GRAMD1C: variants seen among roughly 807,000 people sequenced by gnomAD.
The protein encoded by GRAMD1C is GRAM domain containing 1C, also known as protein Aster-C.
Under a neutral mutation model 97.8 loss-of-function variants are expected in GRAMD1C, and 89 were observed. The ratio of observed to expected loss-of-function variants is 0.91; its 90% confidence interval spans 0.77 to 1.09. The LOEUF (loss-of-function observed/expected upper bound fraction) is 1.09. Among genes scored for constraint, GRAMD1C ranks in the 50% least tolerant of loss-of-function variants. GRAMD1C has a pLI of 0.00. For missense variants in GRAMD1C, 740 were observed against 766.4 expected (o/e 0.97, Z 0.41); for synonymous variants, 256 against 267.0 (o/e 0.96, Z 0.40).
chr3:113,885,213 C>G (rs1449797920), intron 6 of GRAMD1C: 2 of 797,640 alleles, frequency 2.5e-6, no homozygotes, highest in Non-Finnish European at 4.1e-6. Flanking sequence ...CCCGTTCCCC[C>G]TCCCTTCGGC....
intron 5 of GRAMD1C, among the ~76,000 whole-genome samples, chr3:113,880,202 A>T (rs745693806): frequency 1.3e-5 from 2 of 152,156 alleles, no homozygotes; most frequent in Non-Finnish European, 2.9e-5. Flanking sequence ...TTTTAACAAA[A>T]TCATCAAACA....
At chr3:113,919,239 C>CT (rs1936946011) in intron 10 of GRAMD1C, 2 of 383,182 alleles carry the variant, frequency 5.2e-6, no homozygotes, top group Admixed American at 3.6e-5. Context: ...TTCTTGAAGG[C>CT]TTTTTTGGTC....
chr3:113,938,125 T>C lies in GRAMD1C; in HGVS notation c.1673T>C (p.Ile558Thr), dbSNP rs142040397. 1.2e-5 allele frequency: 19 copies of C among 1,520,154 alleles called. No individual in the cohort carries two copies. The highest frequency in any genetic ancestry group is 8.4e-5 in the African/African-American group (6 of 71,478). The allele number at this position is 1,520,154 out of a possible 1,614,324, so 94.2% of individuals were successfully genotyped here. A position where few individuals can be genotyped will look rare whatever the true frequency, so the allele number is the denominator to read the frequency against. Residue 558 changes from isoleucine to threonine, a missense_variant, in exon 15 of 18, where the codon ATT (isoleucine) becomes ACT (threonine). By Grantham distance (89) the Ile-to-Thr change is moderately conservative (BLOSUM62 -1). Transcript: ENST00000358160. ...ATGGAAAACTATAACGTCACTCTTA[T>C]TGTGGTAATGAGTATTTTGTAAGTA... ...KEMENYNVTL[I>T]VVMSIFVLLL...
At chr3:113,940,405 C>T in intron 17 of GRAMD1C, 60 bp downstream of exon 17, 1 of 950,428 alleles carries the variant, frequency 1.1e-6, no homozygotes, top group Non-Finnish European at 1.7e-6. Context: ...ATTAGTTGCT[C>T]TTCTGTGTAT....
chr3:113,844,605 CAG>C lies in GRAMD1C; in HGVS notation c.131_132del (p.Gln44ArgfsTer6), dbSNP rs766282265. On this transcript the variant is annotated frameshift_variant, in exon 2 of 18. Transcript: ENST00000358160. LOFTEE classifies it high-confidence loss of function. ...AGAGAATAATGTGGTAGTTAAAAAA[CAG>C]GGGCCAAATTTACATAATTGGAGTG... Reference protein sequence around the residue: ...VEENNVVVKKQGPNLHNWSGD... With the variant: ...VEENNVVVKKXGPNLHNWSGD... 2.2e-5 allele frequency: 36 copies of C among 1,605,354 alleles called. No individual in the cohort carries two copies. The highest frequency in any genetic ancestry group is 2.7e-5 in the Non-Finnish European group (32 of 1,175,170).
rs878965913 is a variant in GRAMD1C at position 113,900,978 on chromosome 3, G to A, written c.541-53G>A. 1.9e-5 allele frequency: 17 copies of A among 908,362 alleles called. No homozygotes were observed. The South Asian group carries it at 2.3e-4, about 12-fold the overall frequency. The allele number at this position is 908,362 out of a possible 1,614,324, so 56.3% of individuals were successfully genotyped here. ...CAAAACTCATGTTTTGAATCACTGT[G>A]ATATTATATTTTATATTTTCCAATG... is the stretch of plus-strand genomic sequence containing the variant. On this transcript the variant is annotated intron_variant, in intron 6 of 17. Transcript: ENST00000358160.
chr3:113,933,434 TA>T, intron 11 of GRAMD1C, 76 bp from the exon 12 acceptor site: 1 of 989,224 alleles, frequency 1.0e-6, no homozygotes, highest in Non-Finnish European at 1.6e-6. Context: ...GGAATACTAA[TA>T]TACATGTTCT....
intron 6 of GRAMD1C, chr3:113,885,896 C>G (rs1373620173): frequency 6.2e-7 from 1 of 1,612,698 alleles, no homozygotes; most frequent in Non-Finnish European, 8.5e-7. Flanking sequence ...ACAATGCCAT[C>G]CCCATCAAAT....
intron 1 of GRAMD1C, 99 bp downstream of exon 1, chr3:113,839,035 C>T: frequency 5.5e-6 from 4 of 727,566 alleles, no homozygotes; most frequent in Non-Finnish European, 5.7e-6. Flanking sequence ...CAGTTAATCC[C>T]TCCCTTCCCT....
chr3:113,849,799 G>T (rs1392377225), intron 2 of GRAMD1C, among the ~76,000 whole-genome samples: 7 of 152,118 alleles, frequency 4.6e-5, no homozygotes, highest in Non-Finnish European at 8.8e-5. Flanking sequence ...TTCTCAATGA[G>T]CTGTTGGGTA....
intron 9 of GRAMD1C, among the ~76,000 whole-genome samples, chr3:113,914,896 G>A (rs915878983): frequency 6.6e-6 from 1 of 152,118 alleles, no homozygotes; most frequent in East Asian, 1.9e-4. Context: ...ATTGCAGTGA[G>A]AATAAGATGA....
At chr3:113,930,870 TG>T (rs149518299) in intron 11 of GRAMD1C, 38 bp downstream of exon 11, 1 of 1,038,308 alleles carries the variant, frequency 9.6e-7, no homozygotes, top group East Asian at 2.4e-5. Flanking sequence ...GAGTCATGTG[TG>T]GGGGAAGAGA....
chr3:113,857,755 T>C (rs911901488), intron 2 of GRAMD1C, among the ~76,000 whole-genome samples: 3 of 152,204 alleles, frequency 2.0e-5, no homozygotes, highest in Admixed American at 1.3e-4. Context: ...TCAAGTGATA[T>C]GATTGTGTAA....
At position 113,844,572 on chromosome 3, in the gene GRAMD1C, A is replaced by G. The variant is rs369374562; in HGVS notation, c.97A>G (p.Thr33Ala). Residue 33 changes from threonine (T) to alanine (A), a missense_variant, in exon 2 of 18, where the codon ACT (threonine) becomes GCT (alanine). By Grantham distance (58) the Thr-to-Ala change is moderately conservative. Transcript: ENST00000358160. ...AGATGTAGAGGAAAATCCTAGTCCA[A>G]CTGTGGAAGAGAATAATGTGGTAGT... ...QEDVEENPSP[T>A]VEENNVVVKK... The G allele has an allele frequency of 1.6e-5, 25 of 1,604,100 alleles. No homozygotes were observed. Among genetic ancestry groups the G allele is most frequent in the Non-Finnish European group, 2.1e-5 (25 of 1,172,538 alleles).
chr3:113,832,054 G>T (rs1709564748), intron 1 of GRAMD1C, among the ~76,000 whole-genome samples: 1 of 148,154 alleles, frequency 6.7e-6, no homozygotes, highest in Non-Finnish European at 1.5e-5. Context: ...TTTTGAGACA[G>T]AGTCTTACTC....
intron 6 of GRAMD1C, among the ~76,000 whole-genome samples, chr3:113,887,193 C>T (rs575264423): frequency 1.4e-5 from 2 of 145,528 alleles, no homozygotes; most frequent in South Asian, 2.2e-4. Context: ...CAGGTGCAAG[C>T]GATTCTCCTG....
chr3:113,920,046 T>G, intron 10 of GRAMD1C: 2 of 917,174 alleles, frequency 2.2e-6, no homozygotes, highest in African/African-American at 3.3e-5. Context: ...TTGAATTTAG[T>G]GTTTGTTGAT....
At chr3:113,868,029 T>C (rs1298513610) in intron 2 of GRAMD1C, among the ~76,000 whole-genome samples, 1 of 152,194 alleles carries the variant, frequency 6.6e-6, no homozygotes, top group Non-Finnish European at 1.5e-5. Context: ...TATCCTTAAG[T>C]TCACGTATTC....
At chr3:113,921,982 A>G (rs900006309) in intron 10 of GRAMD1C, among the ~76,000 whole-genome samples, 1 of 151,820 alleles carries the variant, frequency 6.6e-6, no homozygotes, top group African/African-American at 2.4e-5. Flanking sequence ...CCCATTTGTC[A>G]ATTTTATTGT....
Sources: allele counts gnomAD v4.1 joint callset (sites outside exome capture counted in the v4.1 genomes callset), GRCh38; gene constraint gnomAD v4.1.1; transcripts MANE v1.5; gene names NCBI Gene and HGNC (gene_info 2026-07-23, HGNC 2026-07-21).